The following NELL1 variants were observed in gnomAD, a reference collection of about 807,000 sequenced individuals.
NELL1 encodes protein kinase C-binding protein NELL1.
Under a neutral mutation model 107.4 loss-of-function variants are expected in NELL1, and 76 were observed. The ratio of observed to expected loss-of-function variants is 0.71; its 90% CI spans 0.59 to 0.86. The LOEUF is 0.86. NELL1 is among the 40% of genes least tolerant of loss of function. NELL1 has a pLI of 0.00. For missense variants in NELL1, 1,024 were observed against 1,005.5 expected, an observed-to-expected ratio of 1.02 and a Z score of -0.25; for synonymous variants, 353 against 341.2, an observed-to-expected ratio of 1.03 and a Z score of -0.38.
intron 2 of NELL1, among the ~76,000 whole-genome samples, chr11:20,782,387 G>A (rs2133981033): frequency 6.6e-6 from 1 of 152,282 alleles, no homozygotes; most frequent in East Asian, 1.9e-4. Context: ...GATACTTGCA[G>A]ATGGGAAAGA....
At chr11:21,292,538 A>G (rs1849294200) in intron 14 of NELL1, among the ~76,000 whole-genome samples, 1 of 152,204 alleles carries the variant, frequency 6.6e-6, no homozygotes, top group Admixed American at 6.5e-5. Context: ...TCTCCCCATA[A>G]AGCTACCATT....
At chr11:20,935,050 A>G (rs548399564) in intron 9 of NELL1, among the ~76,000 whole-genome samples, 21 of 152,260 alleles carry the variant, frequency 1.4e-4, no homozygotes, top group African/African-American at 5.1e-4. Flanking sequence ...TTTGCCACCT[A>G]CTAGAGGCTC....
chr11:21,036,014 A>C (rs1853082932), intron 12 of NELL1, among the ~76,000 whole-genome samples: 2 of 152,174 alleles, frequency 1.3e-5, no homozygotes, highest in Middle Eastern at 3.2e-3. Context: ...AAGCTTCTTA[A>C]GCTGATAAAC....
chr11:21,140,259 TAACAGGGAGAG>T (rs1266511418), intron 13 of NELL1, among the ~76,000 whole-genome samples: 1 of 152,112 alleles, frequency 6.6e-6, no homozygotes, highest in Non-Finnish European at 1.5e-5. Context: ...ACCAAATGGA[TAACAGGGAGAG>T]AACAACAAAA....
chr11:21,240,006 A>G (rs752676287), intron 14 of NELL1, among the ~76,000 whole-genome samples: 2 of 152,096 alleles, frequency 1.3e-5, no homozygotes, highest in Non-Finnish European at 2.9e-5. Flanking sequence ...TCTCTGGCAA[A>G]CATGAACCAA....
intron 7 of NELL1, among the ~76,000 whole-genome samples, chr11:20,919,791 T>A (rs1162201103): frequency 6.6e-6 from 1 of 152,154 alleles, no homozygotes; most frequent in Non-Finnish European, 1.5e-5. Context: ...TTTTAATGTA[T>A]AATTTATTTC....
At chr11:21,378,716 CA>C (rs1192286155) in intron 15 of NELL1, among the ~76,000 whole-genome samples, 85 of 119,260 alleles carry the variant, frequency 7.1e-4, no homozygotes, top group African/African-American at 2.5e-3. Context: ...CACACTTGTA[CA>C]TTTTTTTTTT....
chr11:21,549,730 A>G (rs886354682), intron 16 of NELL1, among the ~76,000 whole-genome samples: 5 of 151,972 alleles, frequency 3.3e-5, no homozygotes, highest in African/African-American at 1.2e-4. Context: ...GAGTGGCATT[A>G]AAGATACCAG....
At chr11:21,007,150 G>C (rs932423179) in intron 12 of NELL1, among the ~76,000 whole-genome samples, 37 of 152,162 alleles carry the variant, frequency 2.4e-4, no homozygotes, top group African/African-American at 8.7e-4. Flanking sequence ...CTCATAAGTA[G>C]GGAGACAAGA....
At chr11:21,373,741 C>A (rs975344931) in intron 15 of NELL1, among the ~76,000 whole-genome samples, 1 of 152,054 alleles carries the variant, frequency 6.6e-6, no homozygotes, top group African/African-American at 2.4e-5. Context: ...CTTTTCATAA[C>A]CCCCCTTAAG....
chr11:20,958,363 C>T (rs971808792), intron 11 of NELL1, among the ~76,000 whole-genome samples: 11 of 152,088 alleles, frequency 7.2e-5, no homozygotes, highest in East Asian at 3.9e-4. Flanking sequence ...CAAAGAGCAA[C>T]GATTGTGCCA....
intron 15 of NELL1, among the ~76,000 whole-genome samples, chr11:21,410,077 A>G (rs1279658594): frequency 6.6e-6 from 1 of 152,038 alleles, no homozygotes; most frequent in African/African-American, 2.4e-5. Context: ...TGCCTTTTCA[A>G]TGTTCTTAAC....
chr11:20,810,113 T>C (rs1857468481), intron 3 of NELL1, among the ~76,000 whole-genome samples: 1 of 152,180 alleles, frequency 6.6e-6, no homozygotes, highest in African/African-American at 2.4e-5. Context: ...TCAAGCTCTT[T>C]TTTTTTTCAT....
At chr11:20,889,442 A>G (rs1283945066) in intron 5 of NELL1, among the ~76,000 whole-genome samples, 1 of 152,188 alleles carries the variant, frequency 6.6e-6, no homozygotes, top group Admixed American at 6.5e-5. Context: ...AGAGAAATGA[A>G]ACTCTCAGTT....
chr11:21,133,304 GC>G (rs899673510), intron 13 of NELL1, among the ~76,000 whole-genome samples: 1 of 152,132 alleles, frequency 6.6e-6, no homozygotes, highest in African/African-American at 2.4e-5. Context: ...CCATGGATGG[GC>G]CAAGATAAAG....
At chr11:21,565,369 CACCATGCT>C (rs1408250750) in intron 17 of NELL1, among the ~76,000 whole-genome samples, 2 of 151,880 alleles carry the variant, frequency 1.3e-5, no homozygotes, top group Non-Finnish European at 2.9e-5. Flanking sequence ...TTGAACGTTA[CACCATGCT>C]ACCTCCCCAT....
intron 16 of NELL1, among the ~76,000 whole-genome samples, chr11:21,543,712 G>T (rs1225573488): frequency 2.0e-5 from 3 of 151,870 alleles, no homozygotes; most frequent in African/African-American, 7.2e-5. Flanking sequence ...TTTAGCATGT[G>T]GGCTAAATTG....
chr11:20,862,938 C>T (rs999075244), intron 4 of NELL1, among the ~76,000 whole-genome samples: 1 of 152,148 alleles, frequency 6.6e-6, no homozygotes, highest in South Asian at 2.1e-4. Flanking sequence ...CATAGATCAA[C>T]AGCATCCCAA....
chr11:21,293,936 G>A (rs1268121245), intron 14 of NELL1, among the ~76,000 whole-genome samples: 1 of 152,104 alleles, frequency 6.6e-6, no homozygotes, highest in African/African-American at 2.4e-5. Flanking sequence ...CTTGGAGAGT[G>A]GGGGACTAGG....
Sources: gnomAD v4.1 joint callset for allele counts (sites outside exome capture counted in the v4.1 genomes callset) on GRCh38, gnomAD v4.1.1 for gene constraint, MANE v1.5 for transcripts, NCBI Gene and HGNC (gene_info 2026-07-23, HGNC 2026-07-21) for gene names.